The following FRMPD4 variants were observed in gnomAD, a reference collection of about 807,000 sequenced individuals.
The protein encoded by FRMPD4 is FERM and PDZ domain-containing protein 4.
In FRMPD4, 22 loss-of-function variants were observed where a neutral mutation model predicts 94.1. The ratio of observed to expected loss-of-function variants is 0.23; its 90% CI spans 0.17 to 0.33. The LOEUF (loss-of-function observed/expected upper bound fraction) is 0.33. FRMPD4 is among the 10% of genes least tolerant of loss of function. FRMPD4 has a pLI of 1.00. For synonymous variants in FRMPD4, 631 were observed against 548.6 expected (o/e 1.15, Z -2.10); for missense variants, 1,111 against 1,339.9 (o/e 0.83, Z 2.67).
In FRMPD4 at chrX:12,086,089, ATGTG is replaced by A. The variant is rs766015576; in HGVS notation, c.95+208092_95+208095del. Among the ~76,000 whole-genome samples, 20 of 62,721 alleles carry A rather than the reference ATGTG, an allele frequency of 3.2e-4. No homozygotes were observed. The South Asian group carries it at 3.4e-3, about 11-fold the overall frequency. The allele number at this position is 62,721 out of a possible 115,157, so 54.5% of individuals were successfully genotyped here. ...CCTGTGTCTGTGTGCGTGTGTGTGTATGTGTGTGTGTGTGTGTGTGTGTGAATGC... is the reference window on the plus strand; with the variant it reads ...CCTGTGTCTGTGTGCGTGTGTGTGTATGTGTGTGTGTGTGTGTGTGAATGC... On this transcript the variant is annotated intron_variant, in intron 3 of 18. Transcript: ENST00000640291.
At chrX:11,847,185 G>A (rs1394966543) in intron 1 of FRMPD4, among the ~76,000 whole-genome samples, 1 of 110,637 alleles carries the variant, frequency 9.0e-6, no homozygotes, top group Non-Finnish European at 1.9e-5. Context: ...AAATTTACAA[G>A]CAAAAAACAA....
At chrX:11,920,473 C>T (rs904336594) in intron 3 of FRMPD4, among the ~76,000 whole-genome samples, 10 of 111,583 alleles carry the variant, frequency 9.0e-5, no homozygotes, top group Admixed American at 1.9e-4. Flanking sequence ...TAAGATGTGC[C>T]GACTTGAAAT....
At chrX:12,656,326 C>G (rs921140390) in intron 4 of FRMPD4, among the ~76,000 whole-genome samples, 1 of 112,067 alleles carries the variant, frequency 8.9e-6, no homozygotes, top group Non-Finnish European at 1.9e-5. Context: ...ACCCTTTGAC[C>G]TACCAATTCC....
chrX:12,137,556 C>T (rs1391237283), upstream of FRMPD4, among the ~76,000 whole-genome samples: 1 of 111,738 alleles, frequency 8.9e-6, no homozygotes, highest in Admixed American at 9.4e-5. Flanking sequence ...GCCAGCTGAC[C>T]TTCACAGTCT....
At chrX:12,064,949 T>C (rs568806588) in intron 3 of FRMPD4, among the ~76,000 whole-genome samples, 3 of 112,240 alleles carry the variant, frequency 2.7e-5, no homozygotes, top group African/African-American at 9.7e-5. Flanking sequence ...AGGTTAGTAA[T>C]AAGTACACAG....
intron 9 of FRMPD4, among the ~76,000 whole-genome samples, chrX:12,697,717 G>A (rs895555636): frequency 1.8e-5 from 2 of 111,873 alleles, no homozygotes; most frequent in African/African-American, 3.3e-5. Context: ...CTCAGAACAC[G>A]AAAATGTGTC....
intron 1 of FRMPD4, among the ~76,000 whole-genome samples, chrX:11,838,226 GAAAAGCATAT>G (rs2053512937): frequency 1.8e-5 from 2 of 110,954 alleles, no homozygotes; most frequent in Middle Eastern, 9.3e-3. Context: ...GCAAATCAAT[GAAAAGCATAT>G]CAAGATCTCC....
intron 4 of FRMPD4, among the ~76,000 whole-genome samples, chrX:12,663,333 C>T (rs998549627): frequency 8.9e-6 from 1 of 112,120 alleles, no homozygotes; most frequent in Admixed American, 9.5e-5. Context: ...TTAGGTCTAA[C>T]ATTTAAGTCT....
intron 5 of FRMPD4, among the ~76,000 whole-genome samples, chrX:12,675,928 G>A (rs1186237618): frequency 1.8e-5 from 2 of 111,260 alleles, no homozygotes; most frequent in Non-Finnish European, 3.8e-5. Context: ...AAGCTCTGTG[G>A]GCTAGGCATT....
At chrX:11,842,002 G>A (rs1446663123) in intron 1 of FRMPD4, among the ~76,000 whole-genome samples, 1 of 110,883 alleles carries the variant, frequency 9.0e-6, no homozygotes, top group African/African-American at 3.3e-5. Flanking sequence ...TATTAAATAG[G>A]GAATCCTTTC....
intron 2 of FRMPD4, among the ~76,000 whole-genome samples, chrX:11,868,273 C>T (rs1427439507): frequency 9.0e-6 from 1 of 111,583 alleles, no homozygotes; most frequent in Admixed American, 9.6e-5. Context: ...TATCATTTGG[C>T]AGAGATACTG....
At chrX:12,638,122 C>A (rs991051808) in intron 4 of FRMPD4, among the ~76,000 whole-genome samples, 2 of 112,502 alleles carry the variant, frequency 1.8e-5, no homozygotes, top group Non-Finnish European at 3.8e-5. Context: ...ACTAGACACA[C>A]TTTTATTCAT....
In FRMPD4 at chrX:12,553,084, G is replaced by A. The variant is rs963664683; in HGVS notation, c.158+54288G>A. 3.6e-5 allele frequency among the ~76,000 whole-genome samples: 4 copies of A among 111,072 alleles called. No individual in the cohort carries two copies. The Admixed American group carries it at 3.9e-4, about 11-fold the overall frequency. On this transcript the variant is annotated intron_variant, in intron 2 of 16. Transcript: ENST00000675598. ...GAGGTGGGAGGATCACTTGAGCCCA[G>A]GGAGGTTGAGGCTGCAGTGAGCCAT...
intron 1 of FRMPD4, among the ~76,000 whole-genome samples, chrX:12,439,519 T>C (rs1228022743): frequency 9.0e-6 from 1 of 111,613 alleles, no homozygotes; most frequent in Non-Finnish European, 1.9e-5. Context: ...CTTTACTATT[T>C]CCCATGGAAA....
intron 2 of FRMPD4, among the ~76,000 whole-genome samples, chrX:11,875,869 A>ATTTTTTTTTTTTTTTTTTTTTTTT (rs869076863): frequency 1.7e-5 from 1 of 57,264 alleles, no homozygotes; most frequent in Non-Finnish European, 3.0e-5. Flanking sequence ...CCACTTGAGG[A>ATTTTTTTTTTTTTTTTTTTTTTTT]TTTTTTTTTT....
intron 4 of FRMPD4, among the ~76,000 whole-genome samples, chrX:12,669,125 T>C (rs1376320424): frequency 9.0e-6 from 1 of 111,645 alleles, no homozygotes; most frequent in Non-Finnish European, 1.9e-5. Context: ...TTACATGAGA[T>C]TGTAGCTTTC....
At position 12,592,132 on chromosome X, in the gene FRMPD4, A is replaced by G. The variant is rs747236988; in HGVS notation, c.159-17589A>G. 3.6e-5 allele frequency among the ~76,000 whole-genome samples: 4 copies of G among 111,866 alleles called. No homozygotes were observed. The South Asian group carries it at 1.5e-3, about 42-fold the overall frequency. Reference sequence around the variant, plus strand: ...CTGCCCCATACTCCAAAGGAAGGAAAGCTACAGAGACAGGTCAAGAAGTAT... The same window carrying G: ...CTGCCCCATACTCCAAAGGAAGGAAGGCTACAGAGACAGGTCAAGAAGTAT... On this transcript the variant is annotated intron_variant, in intron 2 of 16. Coordinates refer to ENST00000675598, the MANE Select transcript of FRMPD4 (RefSeq NM_001368397.1).
intron 3 of FRMPD4, among the ~76,000 whole-genome samples, chrX:12,067,610 G>A (rs2054932690): frequency 9.1e-6 from 1 of 109,567 alleles, no homozygotes; most frequent in Non-Finnish European, 1.9e-5. Flanking sequence ...TAGAGACGGG[G>A]TTTCATCATG....
chrX:12,522,349 C>G (rs1268689968), intron 2 of FRMPD4, among the ~76,000 whole-genome samples: 1 of 111,232 alleles, frequency 9.0e-6, no homozygotes, highest in Non-Finnish European at 1.9e-5. Flanking sequence ...GATTGGGTAG[C>G]AGTGCACTTG....
Sources: gnomAD v4.1 joint callset for allele counts (sites outside exome capture counted in the v4.1 genomes callset) on GRCh38, gnomAD v4.1.1 for gene constraint, MANE v1.5 for transcripts, NCBI Gene and HGNC (gene_info 2026-07-23, HGNC 2026-07-21) for gene names.